Variants in NEURL4 observed in about 807,000 individuals in gnomAD.
The protein encoded by NEURL4 is neuralized E3 ubiquitin protein ligase 4.
Under a neutral mutation model 148.0 loss-of-function variants are expected in NEURL4, and 45 were observed. The observed-to-expected ratio is 0.30, with a 90% CI of 0.24 to 0.39. The LOEUF (loss-of-function observed/expected upper bound fraction) is 0.39, where lower values mean the gene tolerates loss of function less well. Among genes scored for constraint, NEURL4 ranks in the 10% least tolerant of loss-of-function variants. The probability of loss-of-function intolerance (pLI) is 1.00; values close to 1 mark genes in which losing one functional copy is unlikely to be tolerated. For synonymous variants in NEURL4, 854 were observed against 869.0 expected, an observed-to-expected ratio of 0.98 and a Z score of 0.30; for missense variants, 1,776 against 2,144.0, an observed-to-expected ratio of 0.83 and a Z score of 3.39.
chr17:7,318,744 G>T lies in NEURL4; in HGVS notation c.3685-70C>A. 6.7e-7 allele frequency: 1 copy of T among 1,487,868 alleles called. No individual in the cohort carries two copies. 92.2% of individuals were successfully genotyped at this position (1,487,868 alleles called of 1,614,324 possible). On this transcript the variant is annotated intron_variant, in intron 22 of 28. Coordinates refer to ENST00000399464, the MANE Select transcript of NEURL4 (RefSeq NM_032442.3). This position sits in a 1 kb window ranked among gnomAD's most constrained non-coding sequence, Gnocchi z 4.3. ...CGGCAGCTGTCCCGCCCTTTGCTCT[G>T]CTTCCTTTTGCCAGTGCCTTGGCTT...
chr17:7,318,923 G>T lies in NEURL4; in HGVS notation c.3684+127C>A. On this transcript the variant is annotated intron_variant, in intron 22 of 28. Coordinates refer to ENST00000399464, the MANE Select transcript of NEURL4 (RefSeq NM_032442.3). The surrounding 1 kb of genome is among the most constrained non-coding windows in gnomAD (Gnocchi z 4.3). The stretch of plus-strand genomic sequence containing the variant: ...CAGGCAATGCTACTCGCCCTTGCCT[G>T]CCCATTACTGTTCCCCTTTTACACC... 1 of 1,114,784 alleles carries T rather than the reference G, an allele frequency of 9.0e-7. No individual in the cohort carries two copies. The highest frequency in any genetic ancestry group is 1.3e-6 in the Non-Finnish European group (1 of 784,784). 69.1% of individuals were successfully genotyped at this position (1,114,784 alleles called of 1,614,324 possible).
chr17:7,324,598 T>C lies in NEURL4; in HGVS notation c.1814-118A>G. ...TCCACCTTGCCTTTTCTTTGATGACTAGATTTCTTCCCTGAGCAGGACAAG... is the reference window on the plus strand; with the variant it reads ...TCCACCTTGCCTTTTCTTTGATGACCAGATTTCTTCCCTGAGCAGGACAAG... On this transcript the variant is annotated intron_variant, in intron 9 of 28. Transcript: ENST00000399464. The surrounding 1 kb of genome is among the most constrained non-coding windows in gnomAD (Gnocchi z 5.9). The C allele has an allele frequency of 1.8e-6, 2 of 1,123,134 alleles. No individual in the cohort carries two copies. Among genetic ancestry groups the C allele is most frequent in the Non-Finnish European group, 2.6e-6 (2 of 762,984 alleles). The allele number at this position is 1,123,134 out of a possible 1,614,324, so 69.6% of individuals were successfully genotyped here.
chr17:7,316,892 G>A (rs1567617650), intron 28 of NEURL4, among the ~76,000 whole-genome samples: 1 of 152,026 alleles, frequency 6.6e-6, no homozygotes, highest in Admixed American at 6.6e-5. Context: ...ACTCCAGCCT[G>A]GGTGACAGAG....
Position 7,318,322 on chromosome 17 carries a change from C to G in NEURL4, c.3899G>C (p.Ser1300Thr). 1 of 1,614,178 alleles carries G rather than the reference C, an allele frequency of 6.2e-7. No individual in the cohort carries two copies. The highest frequency in any genetic ancestry group is 8.5e-7 in the Non-Finnish European group (1 of 1,180,018). ...CCCTTGGGTTCCAGCACTTTTCCCA[C>G]TGGCAGCCCCTGGCTCAGGGTTCAC... ...TIVNPEPGAA[S>T]GKSAGTQGDM... is the part of the protein sequence containing the mutation. Residue 1300 changes from serine to threonine, a missense_variant, in exon 24 of 29, where the codon AGT (serine) becomes ACT (threonine). Transcript: ENST00000399464. The surrounding 1 kb of genome is among the most constrained non-coding windows in gnomAD (Gnocchi z 4.3).
chr17:7,323,241 G>T, intron 14 of NEURL4, 118 bp from the exon 15 acceptor site: 1 of 1,136,992 alleles, frequency 8.8e-7, no homozygotes, highest in Non-Finnish European at 1.3e-6. Flanking sequence ...TGATCTGGGT[G>T]TAAGGCCCAA....
In NEURL4 at chr17:7,320,771, C is replaced by T. The variant is rs1422225024; in HGVS notation, c.3513G>A (p.Gln1171=). ...IVVINQPLVP[Q]LLVQVRIDFL... ...AGGGAGAACCCACCTGCACCAGCAGCTGGGGCACCAGAGGTTGGTTGATGA... is the reference window on the plus strand; with the variant it reads ...AGGGAGAACCCACCTGCACCAGCAGTTGGGGCACCAGAGGTTGGTTGATGA... Residue 1171 remains glutamine, a synonymous_variant, in exon 21 of 29, where the codon CAG becomes CAA. Coordinates refer to ENST00000399464, the MANE Select transcript of NEURL4 (RefSeq NM_032442.3). The T allele has an allele frequency of 6.2e-7, 1 of 1,613,306 alleles. No individual in the cohort carries two copies. Among genetic ancestry groups the T allele is most frequent in the Non-Finnish European group, 8.5e-7 (1 of 1,179,568 alleles).
intron 6 of NEURL4, 66 bp from the exon 7 acceptor site, chr17:7,325,779 G>A: frequency 7.8e-7 from 1 of 1,290,254 alleles, no homozygotes; most frequent in Non-Finnish European, 1.1e-6. Flanking sequence ...CTCCACACAG[G>A]AACAACTCCA....
chr17:7,323,708 T>C lies in NEURL4; in HGVS notation c.2277A>G (p.Gly759=). 6.2e-7 allele frequency: 1 copy of C among 1,613,850 alleles called. No individual in the cohort carries two copies. Among genetic ancestry groups the C allele is most frequent in the Non-Finnish European group, 8.5e-7 (1 of 1,179,940 alleles). ...TCTGAATGACAATTTCAAACAGCTC[T>C]CCATCCCGCAGGGCCCTGCCAGGAG... The part of the protein sequence containing the change: ...IVISNRALRD[G]ELFEIVIQKM... The change falls in exon 13 of 29, where the codon GGA becomes GGG. Residue 759 remains glycine (G), a synonymous_variant. Coordinates refer to ENST00000399464, the MANE Select transcript of NEURL4 (RefSeq NM_032442.3).
Position 7,325,190 on chromosome 17 carries a change from C to T in NEURL4, c.1631+19G>A, listed in dbSNP as rs886340427. 2.7e-5 allele frequency: 39 copies of T among 1,467,824 alleles called. No individual in the cohort carries two copies. The highest frequency in any genetic ancestry group is 1.0e-4 in the Admixed American group (5 of 50,082). The allele number at this position is 1,467,824 out of a possible 1,614,324, so 90.9% of individuals were successfully genotyped here. On this transcript the variant is annotated intron_variant, in intron 8 of 28. Coordinates refer to ENST00000399464, the MANE Select transcript of NEURL4 (RefSeq NM_032442.3). ...TTAGAATCCCTTCTTCAGGCTTCTC[C>T]CCACCCCATGGGCCATACTGGGGCC...
At position 7,318,989 on chromosome 17, in the gene NEURL4, C is replaced by T. The variant is rs1319631953; in HGVS notation, c.3684+61G>A. 3.3e-6 allele frequency: 5 copies of T among 1,524,418 alleles called. No homozygotes were observed. Among genetic ancestry groups the T allele is most frequent in the Non-Finnish European group, 4.4e-6 (5 of 1,132,646 alleles). 94.4% of individuals were successfully genotyped at this position (1,524,418 alleles called of 1,614,324 possible). ...AAGGCTAGGGGCCCACTTCTCCCTT[C>T]TGGCCAGCCCTTCTCTACTCACAGG... On this transcript the variant is annotated intron_variant, in intron 22 of 28. Transcript: ENST00000399464. The surrounding 1 kb of genome is among the most constrained non-coding windows in gnomAD (Gnocchi z 4.3).
rs1775900969 is a variant in NEURL4, at chr17:7,327,039, C to T, written c.794-30G>A. On this transcript the variant is annotated intron_variant, in intron 3 of 28. Transcript: ENST00000399464. The surrounding 1 kb of genome is among the most constrained non-coding windows in gnomAD (Gnocchi z 6.6). ...AGCAGCAGGATGGAAGAAGGAAGCT[C>T]GGAAGTTGGGATGAGGCTCTACACC... 18 of 1,605,982 alleles carry T rather than the reference C, an allele frequency of 1.1e-5. No homozygotes were observed. Among genetic ancestry groups the T allele is most frequent in the Non-Finnish European group, 1.4e-5 (17 of 1,179,624 alleles).
At chr17:7,317,115 G>T in intron 28 of NEURL4, 90 bp downstream of exon 28, 1 of 893,806 alleles carries the variant, frequency 1.1e-6, no homozygotes, top group East Asian at 2.8e-5. Flanking sequence ...GAGAAAAGGG[G>T]AGGGCGAATC....
intron 8 of NEURL4, 90 bp downstream of exon 8, chr17:7,325,119 A>G: frequency 1.3e-6 from 2 of 1,494,962 alleles, no homozygotes; most frequent in Non-Finnish European, 1.8e-6. Context: ...TGCCCCCGCC[A>G]GGCTCCCTCT....
intron 6 of NEURL4, 87 bp from the exon 7 acceptor site, chr17:7,325,800 G>A (rs1051708704): frequency 1.8e-6 from 2 of 1,123,704 alleles, no homozygotes; most frequent in Non-Finnish European, 1.4e-6. Context: ...GAAGGTATTC[G>A]TGAGAGTCTC....
chr17:7,320,073 G>C (rs193160869), intron 21 of NEURL4, among the ~76,000 whole-genome samples: 1 of 151,932 alleles, frequency 6.6e-6, no homozygotes, highest in Admixed American at 6.6e-5. Flanking sequence ...CTCGTGATCT[G>C]CCCGCCTCGG....
rs758623178 is a variant in NEURL4, at chr17:7,324,238, C to G, written c.1932G>C (p.Glu644Asp). 7.4e-6 allele frequency: 12 copies of G among 1,611,796 alleles called. No individual in the cohort carries two copies. The South Asian group carries it at 9.9e-5, about 13-fold the overall frequency. Reference protein sequence around the residue: ...AGDTVGVVRREDGTLHFFVNG... With the variant: ...AGDTVGVVRRDDGTLHFFVNG... The stretch of plus-strand genomic sequence containing the variant: ...TGACAAAGAAGTGGAGAGTCCCGTC[C>G]TCCCGCCGTACCACGCCCACCGTGT... Residue 644 changes from glutamate to aspartate, a missense_variant, in exon 11 of 29, where the codon GAG (glutamate) becomes GAC (aspartate). Glu to Asp is a conservative substitution (Grantham distance 45, BLOSUM62 2). Transcript: ENST00000399464. This position sits in a 1 kb window ranked among gnomAD's most constrained non-coding sequence, Gnocchi z 5.9.
At position 7,321,730 on chromosome 17, in the gene NEURL4, T is replaced by G; in HGVS notation, c.2929A>C (p.Thr977Pro). 1 of 1,613,726 alleles carries G rather than the reference T, an allele frequency of 6.2e-7. No homozygotes were observed. Among genetic ancestry groups the G allele is most frequent in the Non-Finnish European group, 8.5e-7 (1 of 1,180,036 alleles). Residue 977 changes from threonine (T) to proline (P), a missense_variant, in exon 18 of 29, where the codon ACA (threonine) becomes CCA (proline). Coordinates refer to ENST00000399464, the MANE Select transcript of NEURL4 (RefSeq NM_032442.3). The surrounding 1 kb of genome is among the most constrained non-coding windows in gnomAD (Gnocchi z 6.3). ...WAGSLRLGLT[T>P]LAPGEMGPGA... is the part of the protein sequence containing the mutation. Reference sequence around the variant, plus strand: ...GGTCCCATCTCCCCCGGTGCTAGTGTGGTCAGCCCCAGCCGCAGGGAACCT... The same window carrying G: ...GGTCCCATCTCCCCCGGTGCTAGTGGGGTCAGCCCCAGCCGCAGGGAACCT...
In NEURL4 at chr17:7,326,918, T is replaced by C; in HGVS notation, c.885A>G (p.Pro295=). ...TAGATCCCAGGCCTTCCCCTGCCGGTGGGGAGCTCAGGTTCACATTCAGGA... is the reference window on the plus strand; with the variant it reads ...TAGATCCCAGGCCTTCCCCTGCCGGCGGGGAGCTCAGGTTCACATTCAGGA... ...GGLLNVNLSS[P]PAGEGLGSSG... Residue 295 remains proline (P), a synonymous_variant, in exon 4 of 29, where the codon CCA becomes CCG. Coordinates refer to ENST00000399464, the MANE Select transcript of NEURL4 (RefSeq NM_032442.3). The surrounding 1 kb of genome is among the most constrained non-coding windows in gnomAD (Gnocchi z 6.0). 1.4e-5 allele frequency: 22 copies of C among 1,613,966 alleles called. No homozygotes were observed. The highest frequency in any genetic ancestry group is 4.5e-5 in the East Asian group (2 of 44,880).
chr17:7,319,152 G>C lies in NEURL4; in HGVS notation c.3582C>G (p.Ile1194Met), dbSNP rs59283740. ...QWTSSLVLGV[I>M]TCAPERLNFP... Reference sequence around the variant, plus strand: ...AGTTGAGCCTCTCAGGCGCGCAGGTGATGACTCCCAGGACAAGGGAAGATG... The same window carrying C: ...AGTTGAGCCTCTCAGGCGCGCAGGTCATGACTCCCAGGACAAGGGAAGATG... Residue 1194 changes from isoleucine to methionine, a missense_variant, in exon 22 of 29, where the codon ATC becomes ATG. Transcript: ENST00000399464. 6.2e-7 allele frequency: 1 copy of C among 1,613,996 alleles called. No homozygotes were observed. The highest frequency in any genetic ancestry group is 8.5e-7 in the Non-Finnish European group (1 of 1,179,984).
Sources: gnomAD v4.1 joint callset for allele counts (sites outside exome capture counted in the v4.1 genomes callset) on GRCh38, gnomAD v4.1.1 for gene constraint, Gnocchi (gnomAD v3.1) non-coding constraint, MANE v1.5 for transcripts, NCBI Gene and HGNC (gene_info 2026-07-23, HGNC 2026-07-21) for gene names.